The following CUEDC1 variants were observed in gnomAD, a reference collection of about 807,000 sequenced individuals.
The protein encoded by CUEDC1 is CUE domain containing 1.
In CUEDC1, 30 loss-of-function variants were observed where a neutral mutation model predicts 43.7. That is an observed-to-expected ratio of 0.69 (90% confidence interval 0.51 to 0.93). The LOEUF (loss-of-function observed/expected upper bound fraction) is 0.93, where lower values mean the gene tolerates loss of function less well. Among genes scored for constraint, CUEDC1 ranks in the 40% least tolerant of loss-of-function variants. The probability of loss-of-function intolerance (pLI) is 0.00; values close to 1 mark genes in which losing one functional copy is unlikely to be tolerated. For synonymous variants in CUEDC1, 223 were observed against 223.6 expected (o/e 1.00, Z 0.02); for missense variants, 486 against 549.0 (o/e 0.89, Z 1.15).
At position 57,868,107 on chromosome 17, in the gene CUEDC1, T is replaced by C. The variant is rs775663964; in HGVS notation, c.1034+43A>G. 551 of 1,545,858 alleles carry C rather than the reference T, an allele frequency of 3.6e-4. 3 individuals carry two copies. Among genetic ancestry groups the C allele is most frequent in the Non-Finnish European group, 1.2e-4 (133 of 1,118,324 alleles). ...CAACAGGGGTCTTGCTCCATGGCCCTTGGCTTCCACCACCCCCACCAGTGC... is the reference window on the plus strand; with the variant it reads ...CAACAGGGGTCTTGCTCCATGGCCCCTGGCTTCCACCACCCCCACCAGTGC... On this transcript the variant is annotated intron_variant, in intron 8 of 10. Transcript: ENST00000577830.
At chr17:57,889,285 A>G (rs1470269555) in intron 1 of CUEDC1, among the ~76,000 whole-genome samples, 1 of 152,160 alleles carries the variant, frequency 6.6e-6, no homozygotes, top group Non-Finnish European at 1.5e-5. Flanking sequence ...AGCAGTGGGT[A>G]AATTGGCCAA....
In CUEDC1 at chr17:57,909,462, C is replaced by T. The variant is rs565562202; in HGVS notation, c.-315-23583G>A. On this transcript the variant is annotated intron_variant, in intron 1 of 10. Coordinates refer to ENST00000577830, the MANE Select transcript of CUEDC1 (RefSeq NM_001271875.2). ...CTTTATTATGACTTTCTGAGGGAGA[C>T]CAAGGACTATGGATGGTCAATCCCC... 3.3e-5 allele frequency among the ~76,000 whole-genome samples: 5 copies of T among 152,258 alleles called. No homozygotes were observed. The South Asian group carries it at 8.3e-4, about 25-fold the overall frequency.
At chr17:57,948,402 T>C (rs539320416) in intron 1 of CUEDC1, among the ~76,000 whole-genome samples, 3 of 152,010 alleles carry the variant, frequency 2.0e-5, no homozygotes, top group Non-Finnish European at 2.9e-5. Flanking sequence ...ACCAGGAACA[T>C]TGCGGGCCAG....
chr17:57,932,871 A>C (rs2074822356), intron 1 of CUEDC1, among the ~76,000 whole-genome samples: 1 of 152,100 alleles, frequency 6.6e-6, no homozygotes, highest in Admixed American at 6.6e-5. Context: ...TTAAAAAAAA[A>C]AAAAAGTCTG....
At chr17:57,891,570 C>T (rs886209285) in intron 1 of CUEDC1, among the ~76,000 whole-genome samples, 1 of 152,186 alleles carries the variant, frequency 6.6e-6, no homozygotes, top group Admixed American at 6.5e-5. Flanking sequence ...AGAGCTTTAC[C>T]GTGGCCAACC....
At chr17:57,952,043 C>A (rs1367119792) in intron 1 of CUEDC1, among the ~76,000 whole-genome samples, 1 of 152,080 alleles carries the variant, frequency 6.6e-6, no homozygotes, top group Non-Finnish European at 1.5e-5. Context: ...CCATGGTAGC[C>A]AGGGCCACAG....
chr17:57,932,687 C>A (rs1598018483), intron 1 of CUEDC1, among the ~76,000 whole-genome samples: 1 of 150,690 alleles, frequency 6.6e-6, no homozygotes, highest in African/African-American at 2.4e-5. Context: ...CATGGTGAAA[C>A]CCCATCTCTA....
At chr17:57,906,467 T>C (rs1039261137) in intron 1 of CUEDC1, among the ~76,000 whole-genome samples, 1 of 152,128 alleles carries the variant, frequency 6.6e-6, no homozygotes, top group African/African-American at 2.4e-5. Flanking sequence ...AGAGGGAGAA[T>C]TGGGGACTTA....
At chr17:57,907,771 G>A (rs147977284) in intron 1 of CUEDC1, among the ~76,000 whole-genome samples, 61 of 151,146 alleles carry the variant, frequency 4.0e-4, no homozygotes, top group East Asian at 1.4e-3. Context: ...GCTTGAACCC[G>A]GGAGGTGAAG....
chr17:57,900,123 G>A (rs2074455826), intron 1 of CUEDC1, among the ~76,000 whole-genome samples: 1 of 152,194 alleles, frequency 6.6e-6, no homozygotes, highest in Admixed American at 6.5e-5. Context: ...GGCCAGCTGG[G>A]GCTGGTAGCC....
chr17:57,951,200 G>A (rs1264923552), intron 1 of CUEDC1, among the ~76,000 whole-genome samples: 2 of 151,256 alleles, frequency 1.3e-5, no homozygotes, highest in Non-Finnish European at 2.9e-5. Context: ...GTACCGCTGT[G>A]CAGAAATGGC....
rs2073889137 is a variant in CUEDC1 at position 57,862,179 on chromosome 17, C to T, written c.*1110G>A. 1 of 152,374 alleles carries T rather than the reference C, an allele frequency of 6.6e-6. No homozygotes were observed. The highest frequency in any genetic ancestry group is 2.4e-5 in the African/African-American group (1 of 41,470). 9.4% of individuals were successfully genotyped at this position (152,374 alleles called of 1,614,324 possible). A position where few individuals can be genotyped will look rare whatever the true frequency, so the allele number is the denominator to read the frequency against. ...CGCGCTCCCATGTCCAGGGCGGGGC[C>T]ACGGGCTGGGCAGCCTCCCTCCCCG... On this transcript the variant is annotated 3_prime_UTR_variant, in exon 11 of 11. Transcript: ENST00000577830.
At chr17:57,926,254 GT>G (rs2074746387) in intron 1 of CUEDC1, among the ~76,000 whole-genome samples, 1 of 152,042 alleles carries the variant, frequency 6.6e-6, no homozygotes, top group Non-Finnish European at 1.5e-5. Flanking sequence ...ATCACCAAAG[GT>G]GCCTCTGCAT....
At chr17:57,907,802 C>T (rs1010384037) in intron 1 of CUEDC1, among the ~76,000 whole-genome samples, 19 of 146,866 alleles carry the variant, frequency 1.3e-4, no homozygotes, top group African/African-American at 4.3e-4. Context: ...GCCGAGATCA[C>T]GCCACTGCAC....
In CUEDC1 at chr17:57,875,225, G is replaced by C. The variant is rs151292340; in HGVS notation, c.465-1508C>G. ...CTCGCCAGGGGTATTACCAGTTCTT[G>C]AGGTCTCAGGGTCTTCATCTGGGAC... On this transcript the variant is annotated intron_variant, in intron 3 of 10. Coordinates refer to ENST00000577830, the MANE Select transcript of CUEDC1 (RefSeq NM_001271875.2). Among the ~76,000 whole-genome samples, 43 of 152,288 alleles carry C rather than the reference G, an allele frequency of 2.8e-4. 1 individual carries two copies. The East Asian group carries it at 8.3e-3, about 29-fold the overall frequency.
At chr17:57,945,742 G>A (rs144956935) in intron 1 of CUEDC1, among the ~76,000 whole-genome samples, 4 of 152,202 alleles carry the variant, frequency 2.6e-5, no homozygotes, top group Admixed American at 1.3e-4. Context: ...TATTTTGGCC[G>A]GGCGTGGTGG....
rs2073970084 is a variant in CUEDC1, at chr17:57,867,108, C to T, written c.1093+249G>A. The T allele has an allele frequency of 3.5e-6, 2 of 577,578 alleles. 1 individual carries two copies. The highest frequency in any genetic ancestry group is 4.1e-5 in the South Asian group (2 of 48,434). The allele number at this position is 577,578 out of a possible 1,614,324, so 35.8% of individuals were successfully genotyped here. On this transcript the variant is annotated intron_variant, in intron 9 of 10. Transcript: ENST00000577830. ...AAAGAATATTCCCCAGAAACAGTAC[C>T]TGGCACTTCATGCTACAGGTACACA... is the stretch of plus-strand genomic sequence containing the variant.
intron 1 of CUEDC1, among the ~76,000 whole-genome samples, chr17:57,951,387 A>T (rs117208101): frequency 0.017 from 2,560 of 152,320 alleles, 36 homozygotes; most frequent in Non-Finnish European, 0.028. Context: ...ACTCTAAACA[A>T]CTAAGCTATG....
chr17:57,951,619 C>G (rs551697445), intron 1 of CUEDC1, among the ~76,000 whole-genome samples: 1 of 152,130 alleles, frequency 6.6e-6, no homozygotes, highest in South Asian at 2.1e-4. Flanking sequence ...CCACCATGCC[C>G]GGCTAATTTT....
Sources: gnomAD v4.1 joint callset for allele counts (sites outside exome capture counted in the v4.1 genomes callset) on GRCh38, gnomAD v4.1.1 for gene constraint, MANE v1.5 for transcripts, NCBI Gene and HGNC (gene_info 2026-07-23, HGNC 2026-07-21) for gene names.